CGNL1: variants seen among roughly 807,000 people sequenced by gnomAD.
The protein encoded by CGNL1 is cingulin-like protein 1.
Under a neutral mutation model 141.2 loss-of-function variants are expected in CGNL1, and 132 were observed. The observed-to-expected ratio is 0.93, with a 90% CI of 0.81 to 1.08. The LOEUF (loss-of-function observed/expected upper bound fraction) is 1.08. CGNL1 is among the 50% of genes least tolerant of loss of function. CGNL1 has a pLI of 0.00. For synonymous variants in CGNL1, 690 were observed against 622.1 expected (o/e 1.11, Z -1.63); for missense variants, 1,870 against 1,588.6 (o/e 1.18, Z -3.01).
intron 1 of CGNL1, among the ~76,000 whole-genome samples, chr15:57,380,170 A>G (rs1215149024): frequency 6.6e-6 from 1 of 152,134 alleles, no homozygotes; most frequent in Non-Finnish European, 1.5e-5. Flanking sequence ...AGTAGCTGGA[A>G]TTACAGGCAT....
chr15:57,409,393 G>C (rs989250786), intron 1 of CGNL1, among the ~76,000 whole-genome samples: 1 of 152,234 alleles, frequency 6.6e-6, no homozygotes, highest in Non-Finnish European at 1.5e-5. Context: ...ACAAATCACT[G>C]AGTAATTTTT....
chr15:57,539,747 G>C (rs1165666764), intron 14 of CGNL1, among the ~76,000 whole-genome samples: 1 of 152,146 alleles, frequency 6.6e-6, no homozygotes, highest in Non-Finnish European at 1.5e-5. Context: ...TGCCTCCCCT[G>C]ACATGGGGGG....
At chr15:57,514,052 A>C (rs1425641985) in intron 8 of CGNL1, among the ~76,000 whole-genome samples, 1 of 152,142 alleles carries the variant, frequency 6.6e-6, no homozygotes, top group Non-Finnish European at 1.5e-5. Flanking sequence ...GTGGTATCTC[A>C]TTATGGTTTT....
At position 57,439,525 on chromosome 15, in the gene CGNL1, G is replaced by A. The variant is rs763750155; in HGVS notation, c.1526G>A (p.Arg509Gln). 5.0e-6 allele frequency: 8 copies of A among 1,614,052 alleles called. No homozygotes were observed. The highest frequency in any genetic ancestry group is 1.3e-5 in the African/African-American group (1 of 74,938). ...TATATLMLQN[R>Q]ATATSPDSGA... The stretch of plus-strand genomic sequence containing the variant: ...ACCGCTACGCTGATGTTACAGAACC[G>A]GGCAACAGCAACTTCGCCTGATTCT... The change falls in exon 2 of 19, where the codon CGG (arginine) becomes CAG (glutamine). Residue 509 changes from arginine to glutamine, a missense_variant. Arg to Gln is a conservative substitution (Grantham distance 43, BLOSUM62 1). Coordinates refer to ENST00000281282, the MANE Select transcript of CGNL1 (RefSeq NM_032866.5).
chr15:57,475,145 C>T (rs558949242), intron 8 of CGNL1, among the ~76,000 whole-genome samples: 1 of 152,316 alleles, frequency 6.6e-6, no homozygotes, highest in East Asian at 1.9e-4. Flanking sequence ...CTTCTGACCA[C>T]ACCACCTGCC....
intron 1 of CGNL1, among the ~76,000 whole-genome samples, chr15:57,430,869 C>T (rs933054182): frequency 1.3e-5 from 2 of 152,076 alleles, no homozygotes; most frequent in East Asian, 1.9e-4. Flanking sequence ...TATAGGTGAC[C>T]GCCACCATGG....
chr15:57,467,772 C>A (rs2152341054), intron 8 of CGNL1, among the ~76,000 whole-genome samples: 1 of 148,884 alleles, frequency 6.7e-6, no homozygotes, highest in South Asian at 2.1e-4. Context: ...TCACTGCAAC[C>A]TCTGCCTCCT....
At position 57,439,126 on chromosome 15, in the gene CGNL1, A is replaced by G. The variant is rs1291313252; in HGVS notation, c.1127A>G (p.Asn376Ser). ...LQRRGRSGKR[N>S]RINTDDRKRS... ...AGAAGAGGAAGGTCTGGGAAGCGAA[A>G]CAGAATTAATACAGATGACAGGAAA... Residue 376 changes from asparagine (N) to serine (S), a missense_variant, in exon 2 of 19, where the codon AAC becomes AGC. Physicochemically the swap from Asn to Ser is conservative, Grantham distance 46. Coordinates refer to ENST00000281282, the MANE Select transcript of CGNL1 (RefSeq NM_032866.5). The G allele has an allele frequency of 1.9e-5, 31 of 1,614,078 alleles. No homozygotes were observed. In the African/African-American group the frequency reaches 3.5e-4, roughly 18 times the overall value.
intron 7 of CGNL1, among the ~76,000 whole-genome samples, chr15:57,456,158 T>C (rs1484114370): frequency 1.3e-5 from 2 of 152,212 alleles, no homozygotes; most frequent in Non-Finnish European, 2.9e-5. Flanking sequence ...AATTTATTCT[T>C]CATATCTTAA....
chr15:57,440,596 A>G, intron 3 of CGNL1, 125 bp downstream of exon 3: 1 of 731,152 alleles, frequency 1.4e-6, no homozygotes, highest in Non-Finnish European at 2.3e-6. Flanking sequence ...GAGGGTTAAA[A>G]CTCAATGGCT....
At chr15:57,537,881 T>C (rs1249870824) in intron 14 of CGNL1, among the ~76,000 whole-genome samples, 1 of 152,270 alleles carries the variant, frequency 6.6e-6, no homozygotes, top group African/African-American at 2.4e-5. Flanking sequence ...TGCTATTTAA[T>C]GTAGTTGAAG....
rs1223776595 is a variant in CGNL1 at position 57,448,579 on chromosome 15, T to C, written c.1804-2921T>C. Among the ~76,000 whole-genome samples the C allele has an allele frequency of 2.6e-5, 4 of 151,878 alleles. No individual in the cohort carries two copies. The South Asian group carries it at 8.3e-4, about 32-fold the overall frequency. On this transcript the variant is annotated intron_variant, in intron 4 of 18. Transcript: ENST00000281282. Reference sequence around the variant, plus strand: ...AGGAGAATTGTTTGAACCCAGAAGATAGAGGTTGCAGTGAGCCAAGATCTG... The same window carrying C: ...AGGAGAATTGTTTGAACCCAGAAGACAGAGGTTGCAGTGAGCCAAGATCTG...
intron 1 of CGNL1, among the ~76,000 whole-genome samples, chr15:57,401,638 C>T (rs1388205126): frequency 3.9e-5 from 6 of 152,202 alleles, no homozygotes; most frequent in South Asian, 2.1e-4. Flanking sequence ...AGCCTTCATG[C>T]TTTAATACCT....
At chr15:57,436,624 T>C (rs1052413895) in intron 1 of CGNL1, among the ~76,000 whole-genome samples, 3 of 151,526 alleles carry the variant, frequency 2.0e-5, no homozygotes, top group African/African-American at 7.3e-5. Context: ...AGAATGAAAA[T>C]AAACAAGTAA....
intron 8 of CGNL1, among the ~76,000 whole-genome samples, chr15:57,465,594 T>C (rs528574359): frequency 2.0e-5 from 3 of 152,128 alleles, no homozygotes; most frequent in Non-Finnish European, 4.4e-5. Context: ...TTTCACCATG[T>C]TGGCCAAGCT....
intron 4 of CGNL1, among the ~76,000 whole-genome samples, chr15:57,450,959 G>C (rs1239252006): frequency 6.6e-6 from 1 of 152,118 alleles, no homozygotes; most frequent in African/African-American, 2.4e-5. Flanking sequence ...TCCTGATGTA[G>C]TAATTCTCAA....
At chr15:57,492,674 C>T (rs1295662338) in intron 8 of CGNL1, among the ~76,000 whole-genome samples, 3 of 146,416 alleles carry the variant, frequency 2.0e-5, no homozygotes, top group African/African-American at 7.7e-5. Flanking sequence ...ACACGATCAA[C>T]TTCATGACTT....
At chr15:57,430,966 C>T (rs1384913465) in intron 1 of CGNL1, among the ~76,000 whole-genome samples, 6 of 152,186 alleles carry the variant, frequency 3.9e-5, no homozygotes, top group Non-Finnish European at 8.8e-5. Flanking sequence ...AGGTGATCAA[C>T]CTGCCTCAGC....
chr15:57,442,858 A>G (rs1353135630), intron 4 of CGNL1, among the ~76,000 whole-genome samples: 2 of 152,190 alleles, frequency 1.3e-5, no homozygotes, highest in Non-Finnish European at 2.9e-5. Context: ...GGCTCAAGCA[A>G]TCCACTCACG....
Sources: gnomAD v4.1 joint callset for allele counts (sites outside exome capture counted in the v4.1 genomes callset) on GRCh38, gnomAD v4.1.1 for gene constraint, MANE v1.5 for transcripts, NCBI Gene and HGNC (gene_info 2026-07-23, HGNC 2026-07-21) for gene names.